Variants in GRIP1 observed in about 807,000 individuals in gnomAD.
The protein encoded by GRIP1 is glutamate receptor interacting protein 1, also known as glutamate receptor-interacting protein 1.
A neutral mutation model predicts 129.9 loss-of-function variants in GRIP1; 45 were observed. The observed-to-expected ratio is 0.35, with a 90% CI of 0.27 to 0.44. GRIP1 has a LOEUF of 0.44. Among genes scored for constraint, GRIP1 ranks in the 20% least tolerant of loss-of-function variants. The pLI, the probability that GRIP1 is intolerant of heterozygous loss-of-function variation, is 1.00. For missense variants in GRIP1, 1,196 were observed against 1,396.8 expected, an observed-to-expected ratio of 0.86 and a Z score of 2.29; for synonymous variants, 530 against 520.8, an observed-to-expected ratio of 1.02 and a Z score of -0.24.
chr12:66,878,794 C>T (rs948326064), intron 1 of GRIP1, among the ~76,000 whole-genome samples: 5 of 151,552 alleles, frequency 3.3e-5, no homozygotes, highest in African/African-American at 9.7e-5. Flanking sequence ...AGAAGTATCG[C>T]GGAGAAAAAT....
At chr12:66,389,672 G>A (rs2056503403) in intron 19 of GRIP1, among the ~76,000 whole-genome samples, 1 of 152,160 alleles carries the variant, frequency 6.6e-6, no homozygotes, top group Non-Finnish European at 1.5e-5. Context: ...TGACAGATGT[G>A]CCATGACCAC....
At chr12:66,640,279 C>T (rs2031805045) in intron 1 of GRIP1, among the ~76,000 whole-genome samples, 1 of 152,172 alleles carries the variant, frequency 6.6e-6, no homozygotes, top group Non-Finnish European at 1.5e-5. Context: ...AGGCCTGACT[C>T]TATCCCTCTA....
At chr12:66,800,870 A>T (rs955983526) in intron 1 of GRIP1, among the ~76,000 whole-genome samples, 12 of 152,124 alleles carry the variant, frequency 7.9e-5, no homozygotes. Context: ...ACGATTAAAT[A>T]AAAAATGCAG....
chr12:66,365,970 G>A (rs1248309894), intron 23 of GRIP1, among the ~76,000 whole-genome samples: 3 of 152,210 alleles, frequency 2.0e-5, no homozygotes, highest in Non-Finnish European at 4.4e-5. Flanking sequence ...GAAGTGGCAT[G>A]GCTAATGCAT....
intron 1 of GRIP1, among the ~76,000 whole-genome samples, chr12:66,727,963 CCTTGATGATGTTCAT>C (rs2036309406): frequency 6.6e-6 from 1 of 152,132 alleles, no homozygotes; most frequent in South Asian, 2.1e-4. Flanking sequence ...ACAGTGCTAT[CCTTGATGATGTTCAT>C]CTTGACCTAA....
At chr12:66,503,973 C>T (rs2060459875) in intron 7 of GRIP1, among the ~76,000 whole-genome samples, 1 of 152,094 alleles carries the variant, frequency 6.6e-6, no homozygotes, top group African/African-American at 2.4e-5. Flanking sequence ...CTGGCTAAAA[C>T]AAAAAGGTCA....
intron 13 of GRIP1, among the ~76,000 whole-genome samples, chr12:66,432,952 A>T (rs1243698184): frequency 6.6e-6 from 1 of 152,250 alleles, no homozygotes; most frequent in African/African-American, 2.4e-5. Flanking sequence ...TATGAATCAG[A>T]ATCTCTAAAG....
chr12:66,655,384 T>C (rs1196047402), intron 1 of GRIP1, among the ~76,000 whole-genome samples: 2 of 152,196 alleles, frequency 1.3e-5, no homozygotes, highest in Non-Finnish European at 2.9e-5. Context: ...ATTTCCCATA[T>C]GCCTCCTGCC....
chr12:67,066,888 T>TTTTTATATATATA (rs59891449), intron 1 of GRIP1, among the ~76,000 whole-genome samples: 6 of 125,662 alleles, frequency 4.8e-5, no homozygotes, highest in Non-Finnish European at 9.9e-5. Flanking sequence ...AAATATATAT[T>TTTTTATATATATA]TATATATATA....
intron 2 of GRIP1, among the ~76,000 whole-genome samples, chr12:66,592,072 A>G (rs1486955661): frequency 6.6e-6 from 1 of 152,244 alleles, no homozygotes; most frequent in Non-Finnish European, 1.5e-5. Flanking sequence ...AATTACACAA[A>G]TGAAGCATCT....
At chr12:66,531,397 T>C (rs1034002605) in intron 4 of GRIP1, among the ~76,000 whole-genome samples, 11 of 150,128 alleles carry the variant, frequency 7.3e-5, no homozygotes, top group Non-Finnish European at 5.9e-5. Flanking sequence ...CTTACAGAAA[T>C]AGCAAGTAGT....
intron 1 of GRIP1, among the ~76,000 whole-genome samples, chr12:66,962,574 C>T (rs999788464): frequency 2.0e-5 from 3 of 152,078 alleles, no homozygotes; most frequent in Non-Finnish European, 4.4e-5. Context: ...GAAGCCACGG[C>T]ATTAAGGCGT....
intron 1 of GRIP1, among the ~76,000 whole-genome samples, chr12:66,982,778 C>G (rs1402320501): frequency 6.6e-6 from 1 of 152,110 alleles, no homozygotes; most frequent in Non-Finnish European, 1.5e-5. Flanking sequence ...ACACAGGCAC[C>G]CAGCTAAGCT....
At chr12:66,954,160 A>G (rs959437716) in intron 1 of GRIP1, among the ~76,000 whole-genome samples, 6 of 152,090 alleles carry the variant, frequency 3.9e-5, no homozygotes, top group African/African-American at 1.4e-4. Flanking sequence ...TGCCTGGTCC[A>G]TCTAAATCCC....
intron 23 of GRIP1, among the ~76,000 whole-genome samples, chr12:66,370,721 T>C (rs929834290): frequency 6.6e-6 from 1 of 152,218 alleles, no homozygotes; most frequent in Non-Finnish European, 1.5e-5. Context: ...AAAAGGAAAC[T>C]AGACCTCCAT....
chr12:66,825,080 G>A (rs1191087603), intron 1 of GRIP1, among the ~76,000 whole-genome samples: 1 of 151,938 alleles, frequency 6.6e-6, no homozygotes, highest in East Asian at 1.9e-4. Flanking sequence ...TTATATTTGA[G>A]CAGTCTGTCT....
intron 4 of GRIP1, among the ~76,000 whole-genome samples, chr12:66,530,661 A>T (rs1262088565): frequency 2.0e-5 from 3 of 152,140 alleles, no homozygotes; most frequent in African/African-American, 4.8e-5. Context: ...ACATTTACTA[A>T]AATATTCTGT....
intron 1 of GRIP1, among the ~76,000 whole-genome samples, chr12:66,621,204 T>C (rs1201562467): frequency 6.6e-6 from 1 of 152,110 alleles, no homozygotes; most frequent in African/African-American, 2.4e-5. Context: ...CCCTATTATC[T>C]TCAGAACTTT....
intron 1 of GRIP1, among the ~76,000 whole-genome samples, chr12:67,000,723 C>A (rs1235627054): frequency 2.6e-5 from 4 of 152,168 alleles, no homozygotes; most frequent in African/African-American, 9.7e-5. Flanking sequence ...TTGAAAGGAG[C>A]TGTTACAATT....
Sources: allele counts gnomAD v4.1 joint callset (sites outside exome capture counted in the v4.1 genomes callset), GRCh38; gene constraint gnomAD v4.1.1; transcripts MANE v1.5; gene names NCBI Gene and HGNC (gene_info 2026-07-23, HGNC 2026-07-21).